The following HCN1 variants were observed in gnomAD, a reference collection of about 807,000 sequenced individuals.
HCN1 encodes potassium/sodium hyperpolarization-activated cyclic nucleotide-gated channel 1.
HCN1 carries 13 observed loss-of-function variants against 78.9 expected under a neutral mutation model. The ratio of observed to expected loss-of-function variants is 0.16; its 90% CI spans 0.11 to 0.26. The LOEUF is 0.26. Among genes scored for constraint, HCN1 ranks in the 10% least tolerant of loss-of-function variants. The pLI, the probability that HCN1 is intolerant of heterozygous loss-of-function variation, is 1.00. For synonymous variants in HCN1, 552 were observed against 455.5 expected (o/e 1.21, Z -2.70); for missense variants, 810 against 1,154.3 (o/e 0.70, Z 4.32).
At chr5:45,394,187 C>A (rs1013659064) in intron 4 of HCN1, among the ~76,000 whole-genome samples, 1 of 152,152 alleles carries the variant, frequency 6.6e-6, no homozygotes, top group African/African-American at 2.4e-5. Context: ...TGTAAATAGT[C>A]TGCGAACGCT....
chr5:45,688,109 T>C (rs1212406613), intron 1 of HCN1, among the ~76,000 whole-genome samples: 1 of 152,194 alleles, frequency 6.6e-6, no homozygotes, highest in Non-Finnish European at 1.5e-5. Context: ...ACAAATGTTC[T>C]TGAGATCTAT....
intron 2 of HCN1, among the ~76,000 whole-genome samples, chr5:45,625,763 T>C (rs187140554): frequency 6.6e-6 from 1 of 152,076 alleles, no homozygotes; most frequent in Admixed American, 6.5e-5. Flanking sequence ...AGCTAAGCTT[T>C]GGCATAGGGT....
chr5:45,548,537 C>A (rs1743280501), intron 2 of HCN1, among the ~76,000 whole-genome samples: 1 of 152,100 alleles, frequency 6.6e-6, no homozygotes, highest in South Asian at 2.1e-4. Context: ...CAGCCAATAT[C>A]ATACTGAACG....
rs186094438 is a variant in HCN1 at position 45,293,848 on chromosome 5, A to T, written c.1618+9751T>A. On this transcript the variant is annotated intron_variant, in intron 6 of 7. Coordinates refer to ENST00000303230, the MANE Select transcript of HCN1 (RefSeq NM_021072.4). ...GATTGTGTATTATTTGACATTTCTA[A>T]GTCAGCCAAGACCTGACAAGAAAAG... Among the ~76,000 whole-genome samples, 367 of 152,118 alleles carry T rather than the reference A, an allele frequency of 2.4e-3. 2 individuals carry two copies. The highest frequency in any genetic ancestry group is 4.1e-3 in the Non-Finnish European group (279 of 67,966).
chr5:45,387,734 A>G (rs192951007), intron 4 of HCN1, among the ~76,000 whole-genome samples: 1 of 152,210 alleles, frequency 6.6e-6, no homozygotes, highest in East Asian at 1.9e-4. Flanking sequence ...AGTAGTCCTC[A>G]CTTATTAGTG....
chr5:45,616,074 A>G (rs74921768), intron 2 of HCN1, among the ~76,000 whole-genome samples: 1 of 139,584 alleles, frequency 7.2e-6, no homozygotes, highest in Non-Finnish European at 1.6e-5. Flanking sequence ...GTTTTTCTTG[A>G]AAAAAAAAAA....
chr5:45,441,412 G>A (rs1008912670), intron 3 of HCN1, among the ~76,000 whole-genome samples: 1 of 149,724 alleles, frequency 6.7e-6, no homozygotes, highest in Non-Finnish European at 1.5e-5. Context: ...AAGGAAGGAA[G>A]GGAGGGAGGG....
At position 45,625,158 on chromosome 5, in the gene HCN1, C is replaced by A. The variant is rs1012347226; in HGVS notation, c.849+20027G>T. Among the ~76,000 whole-genome samples, 20 of 151,856 alleles carry A rather than the reference C, an allele frequency of 1.3e-4. 1 individual carries two copies. Among genetic ancestry groups the A allele is most frequent in the Admixed American group, 1.3e-3 (20 of 15,222 alleles). ...TCTCTACTAAAAATACAAAAATTAG[C>A]CGGGTATGGTGGCAGGCACCTGTAG... On this transcript the variant is annotated intron_variant, in intron 2 of 7. Coordinates refer to ENST00000303230, the MANE Select transcript of HCN1 (RefSeq NM_021072.4).
At chr5:45,396,781 T>C (rs1238803243) in intron 3 of HCN1, 71 bp from the exon 4 acceptor site, 1 of 1,102,466 alleles carries the variant, frequency 9.1e-7, no homozygotes, top group Non-Finnish European at 1.4e-6. Context: ...GTAGGACCTG[T>C]ACACAGAAGC....
chr5:45,262,582 G>T lies in HCN1; in HGVS notation c.2012C>A (p.Thr671Asn). ...GTGCAGGTTGCTGTGAGACAGGCTG[G>T]TCGCTGTGTACACCGGTGGAGATTG... ...RTQSPPVYTA[T>N]SLSHSNLHSP... The change falls in exon 8 of 8, where the codon ACC (threonine) becomes AAC (asparagine). Residue 671 changes from threonine (T) to asparagine (N), a missense_variant. Transcript: ENST00000303230. The T allele has an allele frequency of 2.5e-6, 4 of 1,614,020 alleles. No homozygotes were observed. The highest frequency in any genetic ancestry group is 3.4e-6 in the Non-Finnish European group (4 of 1,180,018).
chr5:45,563,912 G>A (rs1743655767), intron 2 of HCN1, among the ~76,000 whole-genome samples: 1 of 152,034 alleles, frequency 6.6e-6, no homozygotes. Flanking sequence ...TTCTATCTAT[G>A]TCAGTTTCAT....
At chr5:45,469,040 GA>G (rs200113111) in intron 2 of HCN1, among the ~76,000 whole-genome samples, 4,512 of 151,978 alleles carry the variant, frequency 0.03, 221 homozygotes, top group African/African-American at 0.1. Flanking sequence ...AAAATGTTTT[GA>G]TAGGTGACAT....
At chr5:45,373,475 C>A (rs1747482048) in intron 4 of HCN1, among the ~76,000 whole-genome samples, 1 of 137,778 alleles carries the variant, frequency 7.3e-6, no homozygotes, top group African/African-American at 2.7e-5. Context: ...TTATATACAT[C>A]ATCTATCATA....
At position 45,611,548 on chromosome 5, in the gene HCN1, A is replaced by G. The variant is rs150847498; in HGVS notation, c.849+33637T>C. On this transcript the variant is annotated intron_variant, in intron 2 of 7. Coordinates refer to ENST00000303230, the MANE Select transcript of HCN1 (RefSeq NM_021072.4). ...CAGTCTCCCAAAGTTCTGGGATTAC[A>G]TGCATGAGCCACGGTGCCTGGCCCC... 2.7e-3 allele frequency among the ~76,000 whole-genome samples: 407 copies of G among 152,120 alleles called. 1 individual carries two copies. Among genetic ancestry groups the G allele is most frequent in the African/African-American group, 8.1e-3 (337 of 41,514 alleles).
At chr5:45,659,335 A>T (rs1745866801) in intron 1 of HCN1, among the ~76,000 whole-genome samples, 1 of 120,140 alleles carries the variant, frequency 8.3e-6, no homozygotes, top group Admixed American at 8.2e-5. Flanking sequence ...AAAAGTAGAT[A>T]AAACCACAAA....
Position 45,372,757 on chromosome 5 carries a change from T to A in HCN1, c.1231-19511A>T, listed in dbSNP as rs559763619. On this transcript the variant is annotated intron_variant, in intron 4 of 7. Transcript: ENST00000303230. ...TATATAAAAATATATACGTATTCTA[T>A]ACACAAAAATATATACGTATTCTAT... 7.0e-5 allele frequency among the ~76,000 whole-genome samples: 10 copies of A among 143,328 alleles called. No individual in the cohort carries two copies. In the Admixed American group the frequency reaches 7.2e-4, roughly 10 times the overall value. 94.0% of individuals were successfully genotyped at this position (143,328 alleles called of 152,430 possible).
chr5:45,374,100 T>G, intron 4 of HCN1, among the ~76,000 whole-genome samples: 1 of 109,802 alleles, frequency 9.1e-6, no homozygotes, highest in South Asian at 2.4e-4. Context: ...ATGTATATAA[T>G]ATATATTATA....
At chr5:45,568,493 A>T (rs1343062395) in intron 2 of HCN1, among the ~76,000 whole-genome samples, 3 of 152,154 alleles carry the variant, frequency 2.0e-5, no homozygotes, top group Non-Finnish European at 4.4e-5. Context: ...TTTAATGGGC[A>T]TACTAACAGT....
chr5:45,475,199 A>C (rs932538542), intron 2 of HCN1, among the ~76,000 whole-genome samples: 1 of 152,018 alleles, frequency 6.6e-6, no homozygotes, highest in Non-Finnish European at 1.5e-5. Context: ...AGCAGTGTTA[A>C]TTTATGGTTA....
Sources: allele counts gnomAD v4.1 joint callset (sites outside exome capture counted in the v4.1 genomes callset), GRCh38; gene constraint gnomAD v4.1.1; transcripts MANE v1.5; gene names NCBI Gene and HGNC (gene_info 2026-07-23, HGNC 2026-07-21).